RNF213: variants seen among roughly 807,000 people sequenced by gnomAD.
The protein encoded by RNF213 is E3 ubiquitin-protein ligase RNF213.
A neutral mutation model predicts 514.4 loss-of-function variants in RNF213; 341 were observed. The ratio of observed to expected loss-of-function variants is 0.66; its 90% CI spans 0.61 to 0.73. RNF213 has a LOEUF of 0.73. Ranked by LOEUF, RNF213 falls within the 30% of genes least tolerant of loss-of-function variation. The pLI is 0.00. For synonymous variants in RNF213, 2,655 were observed against 2,658.2 expected, an observed-to-expected ratio of 1.00 and a Z score of 0.04; for missense variants, 5,767 against 6,615.6, an observed-to-expected ratio of 0.87 and a Z score of 4.45.
At chr17:80,362,800 A>C (rs1331103819) in intron 39 of RNF213, among the ~76,000 whole-genome samples, 1 of 152,238 alleles carries the variant, frequency 6.6e-6, no homozygotes, top group African/African-American at 2.4e-5. Context: ...AGGATGGGCA[A>C]ATTAAAGTAT....
At position 80,353,600 on chromosome 17, in the gene RNF213, G is replaced by A; in HGVS notation, c.10512G>A (p.Glu3504=). ...CAGGGGAGGTGGCAGAGGTGGCAGA[G>A]GAGGCCATGGAAACAGAAAGTTCTG... ...STSGEVAEVA[E]EAMETESSEK... The change falls in exon 34 of 68, where the codon GAG becomes GAA. Residue 3504 remains glutamate (E), a synonymous_variant. Transcript: ENST00000582970. The surrounding 1 kb of genome is among the most constrained non-coding windows in gnomAD (Gnocchi z 5.0). The A allele has an allele frequency of 1.2e-6, 2 of 1,614,170 alleles. No individual in the cohort carries two copies. The highest frequency in any genetic ancestry group is 1.7e-6 in the Non-Finnish European group (2 of 1,180,016).
At chr17:80,313,756 A>AGGT (rs1363933685) in intron 15 of RNF213, among the ~76,000 whole-genome samples, 1 of 85,054 alleles carries the variant, frequency 1.2e-5, no homozygotes, top group African/African-American at 4.4e-5. Flanking sequence ...CTGGTGGTGG[A>AGGT]GGTGGTGGAG....
Position 80,315,818 on chromosome 17 carries a change from TGGTGGTGGTGATGGTGATG to T in RNF213, c.2812-1368_2812-1350del, listed in dbSNP as rs1286774981. ...GTGGTGGTGGAGGTGGTGGTGGTGG[TGGTGGTGGTGATGGTGATG>T]GTGGTGGTGGTGGTGGTGGAGGTGA... On this transcript the variant is annotated intron_variant, in intron 15 of 67. Coordinates refer to ENST00000582970, the MANE Select transcript of RNF213 (RefSeq NM_001256071.3). 10 of 41,194 alleles carry T rather than the reference TGGTGGTGGTGATGGTGATG, an allele frequency of 2.4e-4. 1 individual carries two copies. In the South Asian group the frequency reaches 8.9e-3, roughly 37 times the overall value. 2.6% of individuals were successfully genotyped at this position (41,194 alleles called of 1,614,324 possible).
intron 32 of RNF213, 105 bp from the exon 33 acceptor site, chr17:80,352,835 C>A (rs2078578996): frequency 1.9e-6 from 3 of 1,550,184 alleles, no homozygotes; most frequent in East Asian, 2.2e-5. Flanking sequence ...TCATTCATTG[C>A]GCAGCAAGAT....
intron 36 of RNF213, among the ~76,000 whole-genome samples, chr17:80,358,027 T>A (rs2078898642): frequency 6.6e-6 from 1 of 152,180 alleles, no homozygotes; most frequent in Admixed American, 6.5e-5. Context: ...TACTTCACCC[T>A]TCCAGTAACC....
intron 28 of RNF213, 126 bp downstream of exon 28, chr17:80,344,141 CA>C: frequency 1.0e-6 from 1 of 974,730 alleles, no homozygotes; most frequent in African/African-American, 1.6e-5. Flanking sequence ...CAGCTGAATG[CA>C]GTGTTAGTAA....
chr17:80,343,195 T>C lies in RNF213; in HGVS notation c.6053T>C (p.Val2018Ala). Residue 2018 changes from valine to alanine, a missense_variant, in exon 27 of 68, where the codon GTG becomes GCG. Val to Ala is a moderately conservative substitution (Grantham distance 64, BLOSUM62 0). Coordinates refer to ENST00000582970, the MANE Select transcript of RNF213 (RefSeq NM_001256071.3). This position sits in a 1 kb window ranked among gnomAD's most constrained non-coding sequence, Gnocchi z 4.3. Reference sequence around the variant, plus strand: ...AAGATGCAGTTAAACGTGAAAAATGTGCCTCTGAAAACAATTCGACTGATC... The same window carrying C: ...AAGATGCAGTTAAACGTGAAAAATGCGCCTCTGAAAACAATTCGACTGATC... Reference protein sequence around the residue: ...KMKMQLNVKNVPLKTIRLIDP... With the variant: ...KMKMQLNVKNAPLKTIRLIDP... 3 of 1,614,080 alleles carry C rather than the reference T, an allele frequency of 1.9e-6. No individual in the cohort carries two copies. Among genetic ancestry groups the C allele is most frequent in the Middle Eastern group, 3.3e-4 (2 of 6,062 alleles).
chr17:80,358,511 G>C, intron 37 of RNF213, 32 bp downstream of exon 37: 1 of 1,589,414 alleles, frequency 6.3e-7, no homozygotes, highest in Non-Finnish European at 8.6e-7. Flanking sequence ...CCTGGGGAGA[G>C]AAACTATCAG....
Position 80,395,660 on chromosome 17 carries a change from G to A in RNF213, c.*2162G>A, listed in dbSNP as rs1352143828. 3 of 152,286 alleles carry A rather than the reference G, an allele frequency of 2.0e-5. No individual in the cohort carries two copies. Among genetic ancestry groups the A allele is most frequent in the Non-Finnish European group, 4.4e-5 (3 of 68,096 alleles). 9.4% of individuals were successfully genotyped at this position (152,286 alleles called of 1,614,324 possible). A position where few individuals can be genotyped will look rare whatever the true frequency, so the allele number is the denominator to read the frequency against. Reference sequence around the variant, plus strand: ...GGCTGCAGCTAACGGGGTACAGGTAGGAGCTAACTAACTTCACCCCTGAGT... The same window carrying A: ...GGCTGCAGCTAACGGGGTACAGGTAAGAGCTAACTAACTTCACCCCTGAGT... On this transcript the variant is annotated 3_prime_UTR_variant, in exon 68 of 68. Transcript: ENST00000582970.
chr17:80,298,525 C>T lies in RNF213; in HGVS notation c.2210+7C>T, dbSNP rs202176135. 73 of 1,614,042 alleles carry T rather than the reference C, an allele frequency of 4.5e-5. No individual in the cohort carries two copies. The highest frequency in any genetic ancestry group is 3.3e-4 in the South Asian group (30 of 91,036). On this transcript the variant is annotated splice_region_variant and intron_variant, in intron 11 of 67. Coordinates refer to ENST00000582970, the MANE Select transcript of RNF213 (RefSeq NM_001256071.3). Reference sequence around the variant, plus strand: ...GGGAACAAATGCTAGATACGTAAGTCGTAGAGTTGTGCTTATCTACATGAA... The same window carrying T: ...GGGAACAAATGCTAGATACGTAAGTTGTAGAGTTGTGCTTATCTACATGAA...
At chr17:80,358,648 C>T (rs765385710) in intron 37 of RNF213, among the ~76,000 whole-genome samples, 169 bp downstream of exon 37, 1 of 152,156 alleles carries the variant, frequency 6.6e-6, no homozygotes, top group African/African-American at 2.4e-5. Flanking sequence ...TGGTGGCTCA[C>T]GCCTGTAATC....
chr17:80,381,142 C>T (rs1484773726), intron 56 of RNF213, 155 bp downstream of exon 56: 4 of 823,160 alleles, frequency 4.9e-6, no homozygotes, highest in Non-Finnish European at 8.2e-6. Context: ...CTTCATGTTT[C>T]CCCCTGTGGC....
chr17:80,273,536 G>A, intron 3 of RNF213, 132 bp downstream of exon 3: 2 of 1,148,356 alleles, frequency 1.7e-6, no homozygotes, highest in Middle Eastern at 2.8e-4. Flanking sequence ...CAGGGCAGCA[G>A]CAGAGCTGCC....
At chr17:80,361,054 G>T (rs1160638121) in intron 38 of RNF213, among the ~76,000 whole-genome samples, 4 of 152,262 alleles carry the variant, frequency 2.6e-5, no homozygotes, top group African/African-American at 9.6e-5. Flanking sequence ...CAGCCCACTT[G>T]TTCCTAATTT....
chr17:80,287,465 G>A (rs2044512032), intron 3 of RNF213, among the ~76,000 whole-genome samples: 1 of 152,198 alleles, frequency 6.6e-6, no homozygotes, highest in Non-Finnish European at 1.5e-5. Flanking sequence ...TTTGCACCCT[G>A]CACTCCATCC....
chr17:80,315,637 G>GTGATGGTGGTGGTGAAGGGGA (rs2045888032), intron 15 of RNF213: 1 of 133,416 alleles, frequency 7.5e-6, no homozygotes, highest in Non-Finnish European at 1.6e-5. Context: ...GGTGATGGTG[G>GTGATGGTGGTGGTGAAGGGGA]TGGTGGTAAT....
In RNF213 at chr17:80,372,527, A is replaced by G. The variant is rs765380602; in HGVS notation, c.12544A>G (p.Ile4182Val). The change falls in exon 48 of 68, where the codon ATA becomes GTA. Residue 4182 changes from isoleucine (I) to valine (V), a missense_variant. By Grantham distance (29) the Ile-to-Val change is conservative. Around this residue, in one of 13 missense-constraint regions of RNF213, gnomAD observed 1,245 missense variants for 1,339.0 expected, o/e 0.93. Coordinates refer to ENST00000582970, the MANE Select transcript of RNF213 (RefSeq NM_001256071.3). ...MLFINCLEDS[I>V]LEKTSAYSRN... ...CTTGTTCCTTGTTCCTCAGGATTCA[A>G]TACTTGAGAAGACCAGTGCTTACTC... is the stretch of plus-strand genomic sequence containing the variant. 6.2e-6 allele frequency: 10 copies of G among 1,612,250 alleles called. No individual in the cohort carries two copies. The highest frequency in any genetic ancestry group is 4.4e-5 in the South Asian group (4 of 90,840).
At position 80,319,395 on chromosome 17, in the gene RNF213, C is replaced by T. The variant is rs200625556; in HGVS notation, c.3024+83C>T. 1,347 of 1,614,228 alleles carry T rather than the reference C, an allele frequency of 8.3e-4. 7 individuals carry two copies. Among genetic ancestry groups the T allele is most frequent in the Middle Eastern group, 2.1e-3 (13 of 6,062 alleles). On this transcript the variant is annotated intron_variant, in intron 17 of 67. Coordinates refer to ENST00000582970, the MANE Select transcript of RNF213 (RefSeq NM_001256071.3). ...ACCCAGCTAAGGGCTATGAAGCACC[C>T]GCTGGGTCTCAGCTCCTCCGCTAAC...
chr17:80,319,593 A>T, intron 17 of RNF213: 2 of 1,567,248 alleles, frequency 1.3e-6, no homozygotes, highest in South Asian at 2.3e-5. Context: ...ACGGGCTTGC[A>T]GGCCGTTCCT....
Sources: gnomAD v4.1 joint callset for allele counts (sites outside exome capture counted in the v4.1 genomes callset) on GRCh38, gnomAD v4.1.1 for gene constraint, gnomAD v4.1.1 regional missense constraint, Gnocchi (gnomAD v3.1) non-coding constraint, MANE v1.5 for transcripts, NCBI Gene and HGNC (gene_info 2026-07-23, HGNC 2026-07-21) for gene names.